The following AHCTF1 variants were observed in gnomAD, a reference collection of about 807,000 sequenced individuals.
AHCTF1 encodes AT-hook containing transcription factor 1, also known as protein ELYS.
AHCTF1 carries 24 observed loss-of-function variants against 248.4 expected under a neutral mutation model. That is an observed-to-expected ratio of 0.10 (90% CI 0.07 to 0.14). The LOEUF (loss-of-function observed/expected upper bound fraction) is 0.14. AHCTF1 is among the 10% of genes least tolerant of loss of function. AHCTF1 has a pLI of 1.00. For synonymous variants in AHCTF1, 786 were observed against 929.8 expected (o/e 0.85, Z 2.81); for missense variants, 2,206 against 2,636.2 (o/e 0.84, Z 3.57).
At chr1:246,907,524 CAAAT>C in intron 5 of AHCTF1, 23 bp downstream of exon 5, 1 of 1,597,692 alleles carries the variant, frequency 6.3e-7, no homozygotes, top group Non-Finnish European at 8.5e-7. Flanking sequence ...TACCTATAAT[CAAAT>C]AAGGGAAAAA....
chr1:246,863,662 A>C (rs1661739952), intron 27 of AHCTF1, among the ~76,000 whole-genome samples: 1 of 152,242 alleles, frequency 6.6e-6, no homozygotes, highest in Non-Finnish European at 1.5e-5. Context: ...CAAGAACCTG[A>C]AAGTATTACA....
At chr1:246,899,967 C>T in intron 10 of AHCTF1, 98 bp downstream of exon 10, 1 of 1,230,180 alleles carries the variant, frequency 8.1e-7, no homozygotes, top group South Asian at 1.5e-5. Context: ...CAGTGAGATA[C>T]AAACAGATAA....
At chr1:246,845,614 A>G (rs372908744) in intron 33 of AHCTF1, among the ~76,000 whole-genome samples, 3 of 152,232 alleles carry the variant, frequency 2.0e-5, no homozygotes, top group East Asian at 1.9e-4. Flanking sequence ...TTTCAAATAT[A>G]TAAGGAAATA....
chr1:246,883,153 C>T (rs1199903557), intron 21 of AHCTF1, among the ~76,000 whole-genome samples: 1 of 152,138 alleles, frequency 6.6e-6, no homozygotes, highest in East Asian at 1.9e-4. Context: ...AAGGGTGAGT[C>T]CGGGGAGAGT....
At chr1:246,861,430 T>C in intron 28 of AHCTF1, 135 bp from the exon 29 acceptor site, 1 of 861,270 alleles carries the variant, frequency 1.2e-6, no homozygotes, top group East Asian at 2.7e-5. Context: ...AAAAATTCAT[T>C]TATTCTAAAT....
chr1:246,915,083 G>A (rs1666050301), intron 3 of AHCTF1, among the ~76,000 whole-genome samples: 1 of 152,186 alleles, frequency 6.6e-6, no homozygotes, highest in East Asian at 1.9e-4. Context: ...TGTAATCCCA[G>A]CACTTTGGGA....
intron 5 of AHCTF1, among the ~76,000 whole-genome samples, chr1:246,906,454 C>T (rs928813313): frequency 6.6e-6 from 1 of 151,826 alleles, no homozygotes; most frequent in Non-Finnish European, 1.5e-5. Context: ...CAGTGGTGCA[C>T]ACATGTAATC....
rs1661466155 is a variant in AHCTF1, at chr1:246,860,591, C to CAGA, written c.4132+307_4132+308insTCT. Among the ~76,000 whole-genome samples the CAGA allele has an allele frequency of 2.0e-5, 3 of 152,098 alleles. No individual in the cohort carries two copies. In the South Asian group the frequency reaches 6.2e-4, roughly 31 times the overall value. On this transcript the variant is annotated intron_variant, in intron 29 of 35. Transcript: ENST00000648844. ...TCTGAGATAGGGTCTTGCTCTGTCA[C>CAGA]GCAGGCTAAAGTACAGTGGTGCAAT...
chr1:246,843,127 A>G (rs954527266), intron 34 of AHCTF1, among the ~76,000 whole-genome samples: 1 of 152,180 alleles, frequency 6.6e-6, no homozygotes, highest in African/African-American at 2.4e-5. Flanking sequence ...TTCATCTTTC[A>G]TAGAGACTAC....
intron 23 of AHCTF1, 123 bp downstream of exon 23, chr1:246,876,827 T>TC (rs1448663675): frequency 8.3e-7 from 1 of 1,207,364 alleles, no homozygotes; most frequent in Non-Finnish European, 1.2e-6. Context: ...CTGAGGATTC[T>TC]CCAAGTTCAA....
chr1:246,909,098 T>C (rs1665607117), intron 4 of AHCTF1, among the ~76,000 whole-genome samples: 1 of 149,906 alleles, frequency 6.7e-6, no homozygotes, highest in Non-Finnish European at 1.5e-5. Flanking sequence ...TATCTATCTA[T>C]CTATCTATCT....
chr1:246,860,026 C>T (rs933662537), intron 29 of AHCTF1, among the ~76,000 whole-genome samples: 2 of 152,068 alleles, frequency 1.3e-5, no homozygotes, highest in African/African-American at 4.8e-5. Flanking sequence ...CTCTGGGAGT[C>T]CGAGGCAGGC....
At chr1:246,857,086 G>A (rs1572371045) in intron 30 of AHCTF1, among the ~76,000 whole-genome samples, 1 of 152,124 alleles carries the variant, frequency 6.6e-6, no homozygotes, top group Non-Finnish European at 1.5e-5. Flanking sequence ...TAATCATACT[G>A]ATTAGTACAG....
intron 1 of AHCTF1, among the ~76,000 whole-genome samples, chr1:246,922,876 G>C (rs1420665157): frequency 2.0e-5 from 3 of 149,756 alleles, no homozygotes; most frequent in Admixed American, 2.0e-4. Flanking sequence ...CCAGCTACTC[G>C]GGAGGCTGAG....
At chr1:246,928,592 T>C (rs1419598628) in intron 1 of AHCTF1, among the ~76,000 whole-genome samples, 3 of 152,174 alleles carry the variant, frequency 2.0e-5, no homozygotes, top group Admixed American at 1.3e-4. Context: ...GGTTCAGTAT[T>C]AAACAAAACA....
At position 246,840,999 on chromosome 1, in the gene AHCTF1, C is replaced by T. The variant is rs1404060169; in HGVS notation, c.6609-1G>A. 1.9e-6 allele frequency: 3 copies of T among 1,585,546 alleles called. No individual in the cohort carries two copies. The highest frequency in any genetic ancestry group is 2.8e-5 in the African/African-American group (2 of 71,162). On this transcript the variant is annotated splice_acceptor_variant, in intron 35 of 35. Transcript: ENST00000648844. LOFTEE classifies it high-confidence loss of function. The stretch of plus-strand genomic sequence containing the variant: ...CCAAGCACTTTCTTTTTCTGTGTTT[C>T]TGAAAAAAAAAGATATGATCAAGTA...
At chr1:246,911,388 TTTTCA>T (rs1665786214) in intron 4 of AHCTF1, among the ~76,000 whole-genome samples, 1 of 152,176 alleles carries the variant, frequency 6.6e-6, no homozygotes, top group South Asian at 2.1e-4. Flanking sequence ...TCATCAATTC[TTTTCA>T]TTTAAACTTC....
intron 21 of AHCTF1, among the ~76,000 whole-genome samples, chr1:246,879,386 CT>C (rs1663227338): frequency 6.6e-6 from 1 of 152,180 alleles, no homozygotes; most frequent in Non-Finnish European, 1.5e-5. Flanking sequence ...CAAAATTAAA[CT>C]ACCAAAATTA....
At chr1:246,913,188 T>C in intron 4 of AHCTF1, 44 bp downstream of exon 4, 1 of 1,476,450 alleles carries the variant, frequency 6.8e-7, no homozygotes. Context: ...TGCATCAGAA[T>C]ATCCAGGTGC....
Sources: allele counts gnomAD v4.1 joint callset (sites outside exome capture counted in the v4.1 genomes callset), GRCh38; gene constraint gnomAD v4.1.1; transcripts MANE v1.5; gene names NCBI Gene and HGNC (gene_info 2026-07-23, HGNC 2026-07-21).